The following FUT9 variants were observed in gnomAD, a reference collection of about 807,000 sequenced individuals.
The protein encoded by FUT9 is 4-galactosyl-N-acetylglucosaminide 3-alpha-L-fucosyltransferase 9.
A neutral mutation model predicts 29.7 loss-of-function variants in FUT9; 15 were observed. That is an observed-to-expected ratio of 0.51 (90% confidence interval 0.34 to 0.78). FUT9 has a LOEUF of 0.78. Among genes scored for constraint, FUT9 ranks in the 30% least tolerant of loss-of-function variants. The pLI is 0.01. For synonymous variants in FUT9, 169 were observed against 153.7 expected (o/e 1.10, Z -0.74); for missense variants, 319 against 425.4 (o/e 0.75, Z 2.20).
intron 2 of FUT9, among the ~76,000 whole-genome samples, chr6:96,150,667 G>A (rs1196492838): frequency 2.6e-5 from 4 of 152,164 alleles, no homozygotes; most frequent in Admixed American, 2.6e-4. Flanking sequence ...AGGCACAGTT[G>A]CAGTAGAGAC....
At chr6:96,083,766 C>G (rs1026958445) in intron 1 of FUT9, among the ~76,000 whole-genome samples, 3 of 152,080 alleles carry the variant, frequency 2.0e-5, no homozygotes, top group African/African-American at 4.8e-5. Flanking sequence ...AATTCACCCT[C>G]TTTTAGCATA....
chr6:96,124,874 G>A (rs1206110429), intron 2 of FUT9, among the ~76,000 whole-genome samples: 1 of 151,966 alleles, frequency 6.6e-6, no homozygotes, highest in Non-Finnish European at 1.5e-5. Flanking sequence ...AGTGACATTC[G>A]TCCTGGTTAA....
intron 2 of FUT9, among the ~76,000 whole-genome samples, chr6:96,198,580 G>A (rs567963693): frequency 6.6e-6 from 1 of 152,148 alleles, no homozygotes; most frequent in Non-Finnish European, 1.5e-5. Context: ...ATAAACATAC[G>A]TGTGCATGTG....
At chr6:96,063,670 A>G (rs1770914325) in intron 1 of FUT9, among the ~76,000 whole-genome samples, 1 of 152,156 alleles carries the variant, frequency 6.6e-6, no homozygotes, top group African/African-American at 2.4e-5. Context: ...GTTTTGTGAG[A>G]TAGATGAAGG....
At chr6:96,085,565 T>C (rs1005252531) in intron 1 of FUT9, among the ~76,000 whole-genome samples, 1 of 152,140 alleles carries the variant, frequency 6.6e-6, no homozygotes, top group Non-Finnish European at 1.5e-5. Context: ...AAAATATAAG[T>C]TCCCTGGGAA....
intron 1 of FUT9, among the ~76,000 whole-genome samples, chr6:96,019,445 T>C (rs1399872685): frequency 6.6e-6 from 1 of 152,056 alleles, no homozygotes; most frequent in Admixed American, 6.6e-5. Context: ...ATTTTATAAA[T>C]TCAAATAACC....
chr6:96,201,568 T>A (rs573594851), intron 2 of FUT9, among the ~76,000 whole-genome samples: 75 of 152,152 alleles, frequency 4.9e-4, no homozygotes, highest in African/African-American at 1.8e-3. Context: ...AAAGCTATAA[T>A]TTCCTTCTGT....
At chr6:96,199,520 T>C (rs1239160011) in intron 2 of FUT9, among the ~76,000 whole-genome samples, 1 of 152,156 alleles carries the variant, frequency 6.6e-6, no homozygotes, top group African/African-American at 2.4e-5. Flanking sequence ...ACGTCGTTTC[T>C]GTCTAGTGAT....
chr6:96,135,522 G>T (rs1463181708), intron 2 of FUT9, among the ~76,000 whole-genome samples: 1 of 151,798 alleles, frequency 6.6e-6, no homozygotes, highest in Non-Finnish European at 1.5e-5. Flanking sequence ...TCTTCACCAT[G>T]ATTCAACATA....
At chr6:96,099,770 A>G (rs1259347297) in intron 1 of FUT9, among the ~76,000 whole-genome samples, 4 of 152,094 alleles carry the variant, frequency 2.6e-5, no homozygotes, top group Non-Finnish European at 5.9e-5. Flanking sequence ...CTATAAGGAG[A>G]CACTCATCGA....
chr6:96,198,415 A>G (rs1225251340), intron 2 of FUT9, among the ~76,000 whole-genome samples: 4 of 151,870 alleles, frequency 2.6e-5, no homozygotes, highest in Non-Finnish European at 5.9e-5. Context: ...ATGATTTCCA[A>G]TTTCATTCAT....
intron 1 of FUT9, among the ~76,000 whole-genome samples, chr6:96,032,880 A>G (rs1033403338): frequency 6.6e-6 from 1 of 151,558 alleles, no homozygotes; most frequent in African/African-American, 2.4e-5. Flanking sequence ...TTTTATTCCT[A>G]ATGGCAACCT....
At chr6:96,185,468 C>G (rs1233698264) in intron 2 of FUT9, among the ~76,000 whole-genome samples, 1 of 151,832 alleles carries the variant, frequency 6.6e-6, no homozygotes, top group Non-Finnish European at 1.5e-5. Context: ...CTATTTGTGG[C>G]CACAGAGAAA....
At position 96,204,052 on chromosome 6, in the gene FUT9, A is replaced by G. The variant is rs902091715; in HGVS notation, c.897A>G (p.Ala299=). The part of the protein sequence containing the change: ...VEDYNSPSEL[A]KYLKEVDKNN... ...ATTATAACTCTCCCAGTGAGCTAGC[A>G]AAGTATCTGAAGGAAGTCGACAAAA... The change falls in exon 3 of 3, where the codon GCA becomes GCG. Residue 299 remains alanine, a synonymous_variant. Transcript: ENST00000302103. 4 of 1,576,354 alleles carry G rather than the reference A, an allele frequency of 2.5e-6. No individual in the cohort carries two copies. The African/African-American group carries it at 5.5e-5, about 22-fold the overall frequency.
chr6:96,135,785 TAAA>T (rs1772337428), intron 2 of FUT9, among the ~76,000 whole-genome samples: 1 of 151,784 alleles, frequency 6.6e-6, no homozygotes, highest in Admixed American at 6.6e-5. Context: ...AAAAATTTGA[TAAA>T]GGTTAGATCT....
intron 2 of FUT9, among the ~76,000 whole-genome samples, chr6:96,151,273 T>C (rs1772670268): frequency 1.3e-5 from 2 of 152,194 alleles, no homozygotes; most frequent in Admixed American, 6.6e-5. Flanking sequence ...ATGAGCCTCA[T>C]TCCATGGGCC....
intron 2 of FUT9, among the ~76,000 whole-genome samples, chr6:96,164,208 A>G (rs888885000): frequency 6.0e-5 from 9 of 150,460 alleles, no homozygotes; most frequent in African/African-American, 2.2e-4. Context: ...GAATCAATAG[A>G]AGGGAGTTTC....
chr6:96,168,043 T>A (rs1773045603), intron 2 of FUT9, among the ~76,000 whole-genome samples: 1 of 152,146 alleles, frequency 6.6e-6, no homozygotes, highest in Non-Finnish European at 1.5e-5. Context: ...TATCCCAAGA[T>A]TATAGCTTGA....
intron 1 of FUT9, among the ~76,000 whole-genome samples, chr6:96,041,285 A>G (rs1250724794): frequency 6.6e-6 from 1 of 152,064 alleles, no homozygotes. Flanking sequence ...AGTGTTCTGA[A>G]GCTAAGAAAT....
Sources: gnomAD v4.1 joint callset for allele counts (sites outside exome capture counted in the v4.1 genomes callset) on GRCh38, gnomAD v4.1.1 for gene constraint, MANE v1.5 for transcripts, NCBI Gene and HGNC (gene_info 2026-07-23, HGNC 2026-07-21) for gene names.